CACNG2: variants seen among roughly 807,000 people sequenced by gnomAD.
CACNG2 encodes the protein calcium voltage-gated channel auxiliary subunit gamma 2.
A neutral mutation model predicts 25.9 loss-of-function variants in CACNG2; 3 were observed. The observed-to-expected ratio is 0.12, with a 90% CI of 0.05 to 0.30. The LOEUF is 0.30. CACNG2 is among the 10% of genes least tolerant of loss of function. The pLI, the probability that CACNG2 is intolerant of heterozygous loss-of-function variation, is 1.00. For synonymous variants in CACNG2, 167 were observed against 173.3 expected (o/e 0.96, Z 0.29); for missense variants, 341 against 432.5 (o/e 0.79, Z 1.88).
At chr22:36,571,496 C>G (rs1044539557) in intron 2 of CACNG2, among the ~76,000 whole-genome samples, 2 of 151,724 alleles carry the variant, frequency 1.3e-5, no homozygotes, top group Non-Finnish European at 2.9e-5. Context: ...TCAGCTCTTT[C>G]CCCCAACTGA....
chr22:36,702,567 A>G lies in CACNG2; in HGVS notation c.10T>C (p.Phe4Leu). 2 of 1,613,946 alleles carry G rather than the reference A, an allele frequency of 1.2e-6. No individual in the cohort carries two copies. Among genetic ancestry groups the G allele is most frequent in the Non-Finnish European group, 1.7e-6 (2 of 1,179,834 alleles). Residue 4 changes from phenylalanine (F) to leucine (L), a missense_variant, in exon 1 of 4, where the codon TTT becomes CTT. Phe to Leu is a conservative substitution (Grantham distance 22). Transcript: ENST00000300105. MGL[F>L]DRGVQMLLTT... ...AAAAGCATTTGAACACCTCGATCAA[A>G]CAGCCCCATAATTCTTCATTATATA...
chr22:36,635,834 A>T (rs1475353704), intron 1 of CACNG2, among the ~76,000 whole-genome samples: 1 of 152,146 alleles, frequency 6.6e-6, no homozygotes, highest in Non-Finnish European at 1.5e-5. Flanking sequence ...CAGTTGTGAG[A>T]GTCAGGATTC....
intron 2 of CACNG2, among the ~76,000 whole-genome samples, chr22:36,568,444 G>A (rs1175611144): frequency 6.6e-6 from 1 of 151,508 alleles, no homozygotes; most frequent in Non-Finnish European, 1.5e-5. Context: ...TTGCTCTGTT[G>A]CCCAGGCTGG....
At chr22:36,629,616 T>C (rs993397561) in intron 1 of CACNG2, among the ~76,000 whole-genome samples, 2 of 151,560 alleles carry the variant, frequency 1.3e-5, no homozygotes, top group Admixed American at 6.6e-5. Context: ...ATGAAGGAGT[T>C]AGGCAGGTAA....
At chr22:36,577,414 G>A (rs1169310561) in intron 2 of CACNG2, among the ~76,000 whole-genome samples, 1 of 152,070 alleles carries the variant, frequency 6.6e-6, no homozygotes, top group Non-Finnish European at 1.5e-5. Context: ...CACTTTGGGA[G>A]GCCGAGGCGG....
chr22:36,587,398 C>T, intron 2 of CACNG2, 67 bp downstream of exon 2: 1 of 1,177,116 alleles, frequency 8.5e-7, no homozygotes, highest in African/African-American at 1.5e-5. Flanking sequence ...TGGTCCTTGA[C>T]TCTGTGAAGG....
chr22:36,698,226 A>G (rs1937366015), intron 1 of CACNG2, among the ~76,000 whole-genome samples: 1 of 151,960 alleles, frequency 6.6e-6, no homozygotes, highest in Admixed American at 6.6e-5. Context: ...TGGTTGTCAC[A>G]TATCCTCATG....
Position 36,695,111 on chromosome 22 carries a change from AAG to A in CACNG2, c.211+7253_211+7254del, listed in dbSNP as rs1402372885. ...TGCGCCTGTCTTCTCAGCTACTTCA[AAG>A]ACTGGGGCGGGAGGATCACTCGAGC... On this transcript the variant is annotated intron_variant, in intron 1 of 3. Transcript: ENST00000300105. Among the ~76,000 whole-genome samples, 6 of 152,040 alleles carry A rather than the reference AAG, an allele frequency of 3.9e-5. No individual in the cohort carries two copies. The South Asian group carries it at 6.2e-4, about 16-fold the overall frequency.
At chr22:36,631,508 A>G (rs956988994) in intron 1 of CACNG2, among the ~76,000 whole-genome samples, 1 of 152,138 alleles carries the variant, frequency 6.6e-6, no homozygotes, top group Non-Finnish European at 1.5e-5. Context: ...AGCAATAATT[A>G]GCATGAAGTG....
At chr22:36,669,297 T>C (rs1242821097) in intron 1 of CACNG2, among the ~76,000 whole-genome samples, 1 of 150,608 alleles carries the variant, frequency 6.6e-6, no homozygotes, top group African/African-American at 2.4e-5. Context: ...AGGTCAGGAG[T>C]TTGAGACCAG....
intron 1 of CACNG2, among the ~76,000 whole-genome samples, chr22:36,625,342 C>T (rs1474339203): frequency 6.6e-6 from 1 of 152,126 alleles, no homozygotes; most frequent in Non-Finnish European, 1.5e-5. Flanking sequence ...GATGGCCTTT[C>T]TTCACTCTGT....
At chr22:36,620,104 A>ATTAC (rs548006689) in intron 1 of CACNG2, among the ~76,000 whole-genome samples, 1 of 152,228 alleles carries the variant, frequency 6.6e-6, no homozygotes, top group Non-Finnish European at 1.5e-5. Context: ...ACACACACAC[A>ATTAC]CAGTGCCTGG....
chr22:36,690,371 A>AAG (rs1555901729), intron 1 of CACNG2, among the ~76,000 whole-genome samples: 66 of 152,180 alleles, frequency 4.3e-4, no homozygotes, highest in Non-Finnish European at 8.7e-4. Flanking sequence ...TTTCCCCCCA[A>AAG]GGAACCAAAA....
intron 1 of CACNG2, among the ~76,000 whole-genome samples, chr22:36,643,474 G>A (rs867260839): frequency 1.2e-4 from 18 of 149,242 alleles, no homozygotes; most frequent in Non-Finnish European, 1.8e-4. Flanking sequence ...CTATCTGTCT[G>A]TCTATCTATC....
At chr22:36,666,753 C>T (rs1185439054) in intron 1 of CACNG2, among the ~76,000 whole-genome samples, 1 of 87,688 alleles carries the variant, frequency 1.1e-5, no homozygotes, top group Non-Finnish European at 2.7e-5. Flanking sequence ...AGGCTCTTCA[C>T]TGCCTTCAGA....
At chr22:36,571,436 G>A (rs114121995) in intron 2 of CACNG2, among the ~76,000 whole-genome samples, 3,741 of 152,008 alleles carry the variant, frequency 0.025, 171 homozygotes, top group African/African-American at 0.087. Flanking sequence ...TAGCCTGGGT[G>A]ACGGAGCGAG....
In CACNG2 at chr22:36,566,633, A is replaced by G. The variant is rs377623024; in HGVS notation, c.296-140T>C. The G allele has an allele frequency of 3.2e-5, 29 of 915,100 alleles. No homozygotes were observed. The East Asian group carries it at 5.2e-4, about 16-fold the overall frequency. 56.7% of individuals were successfully genotyped at this position (915,100 alleles called of 1,614,324 possible). Reference sequence around the variant, plus strand: ...AGAGGAGAGGTTGCTTTGCAATCCTAGGGAGGGAGAGACAGCGAGCAGGCC... The same window carrying G: ...AGAGGAGAGGTTGCTTTGCAATCCTGGGGAGGGAGAGACAGCGAGCAGGCC... On this transcript the variant is annotated intron_variant, in intron 2 of 3. Transcript: ENST00000300105.
intron 1 of CACNG2, among the ~76,000 whole-genome samples, chr22:36,691,198 C>T (rs1378122669): frequency 6.6e-6 from 1 of 152,140 alleles, no homozygotes; most frequent in African/African-American, 2.4e-5. Context: ...AGGAAGCAGA[C>T]CCCAGGTGGG....
intron 1 of CACNG2, among the ~76,000 whole-genome samples, chr22:36,687,380 A>G (rs1380809815): frequency 6.6e-6 from 1 of 152,248 alleles, no homozygotes; most frequent in Non-Finnish European, 1.5e-5. Flanking sequence ...TTCCAGGTGT[A>G]CTATTCCAAG....
Sources: allele counts gnomAD v4.1 joint callset (sites outside exome capture counted in the v4.1 genomes callset), GRCh38; gene constraint gnomAD v4.1.1; transcripts MANE v1.5; gene names NCBI Gene and HGNC (gene_info 2026-07-23, HGNC 2026-07-21).